HOOK2: variants seen among roughly 807,000 people sequenced by gnomAD.
The protein encoded by HOOK2 is protein Hook homolog 2.
Under a neutral mutation model 111.9 loss-of-function variants are expected in HOOK2, and 108 were observed. That is an observed-to-expected ratio of 0.96 (90% CI 0.83 to 1.13). The LOEUF (loss-of-function observed/expected upper bound fraction) is 1.13. Ranked by LOEUF, HOOK2 falls within the 50% of genes most tolerant of loss-of-function variation. The pLI, the probability that HOOK2 is intolerant of heterozygous loss-of-function variation, is 0.00. For synonymous variants in HOOK2, 405 were observed against 394.3 expected, an observed-to-expected ratio of 1.03 and a Z score of -0.32; for missense variants, 978 against 951.3, an observed-to-expected ratio of 1.03 and a Z score of -0.37.
At position 12,770,977 on chromosome 19, in the gene HOOK2, A is replaced by G. The variant is rs748781231; in HGVS notation, c.857T>C (p.Leu286Pro). ...CTTCAGGGCCTGTGCCTCCTGGGCC[A>G]GGCTAGTCAGCGCCTGGTTCCGGTG... The part of the protein sequence containing the change: ...LQHRNQALTS[L>P]AQEAQALKDE... Residue 286 changes from leucine (L) to proline (P), a missense_variant, in exon 10 of 23, where the codon CTG becomes CCG. Coordinates refer to ENST00000397668, the MANE Select transcript of HOOK2 (RefSeq NM_013312.3). 1.2e-6 allele frequency: 2 copies of G among 1,611,170 alleles called. No individual in the cohort carries two copies. The highest frequency in any genetic ancestry group is 1.7e-6 in the Non-Finnish European group (2 of 1,178,896).
In HOOK2 at chr19:12,767,399, G is replaced by A. The variant is rs1431410379; in HGVS notation, c.1369C>T (p.Leu457Phe). The change falls in exon 14 of 23, where the codon CTC becomes TTC. Residue 457 changes from leucine (L) to phenylalanine (F), a missense_variant. Physicochemically the swap from Leu to Phe is conservative, Grantham distance 22 (BLOSUM62 0). Coordinates refer to ENST00000397668, the MANE Select transcript of HOOK2 (RefSeq NM_013312.3). ...TTTTGAGTGACCCCAGGATACCTGA[G>A]CTCCGCAGGCAGGATCTCTGCGGCT... ...NLAAEILPAE[L>F]RETLLRLQLE... 2.5e-6 allele frequency: 4 copies of A among 1,613,620 alleles called. No individual in the cohort carries two copies. The East Asian group carries it at 8.9e-5, about 36-fold the overall frequency.
Position 12,764,885 on chromosome 19 carries a change from A to C in HOOK2, c.1756T>G (p.Leu586Val), listed in dbSNP as rs750724545. 1 of 1,614,042 alleles carries C rather than the reference A, an allele frequency of 6.2e-7. No homozygotes were observed. The highest frequency in any genetic ancestry group is 1.1e-5 in the South Asian group (1 of 91,088). ...ARRIEELQHN[L>V]QKKDADLRAM... ...CGCAAGTCCGCGTCCTTCTTCTGCA[A>C]GTTATGCTGCAGCTCCTCGATCCGC... Residue 586 changes from leucine to valine, a missense_variant, in exon 20 of 23, where the codon TTG becomes GTG. Transcript: ENST00000397668.
intron 3 of HOOK2, chr19:12,774,101 T>A (rs1003206115): frequency 1.3e-5 from 2 of 155,896 alleles, no homozygotes; most frequent in Non-Finnish European, 2.8e-5. Context: ...TTTCTTTTTC[T>A]TTTTCTTTTT....
intron 3 of HOOK2, among the ~76,000 whole-genome samples, chr19:12,788,388 G>GT (rs1013553217): frequency 2.0e-5 from 3 of 152,188 alleles, no homozygotes; most frequent in Middle Eastern, 3.2e-3. Context: ...TAAGAGCCAT[G>GT]TAAGTGTTGG....
Position 12,766,744 on chromosome 19 carries a change from C to G in HOOK2, c.1374-504G>C, listed in dbSNP as rs572160275. ...GACTACAGGTGCGTGCCACCACACC[C>G]GGCTAATTTTTTGTATTTTTAGTAG... On this transcript the variant is annotated intron_variant, in intron 14 of 22. Transcript: ENST00000397668. 3 of 156,466 alleles carry G rather than the reference C, an allele frequency of 1.9e-5. No homozygotes were observed. The South Asian group carries it at 5.6e-4, about 29-fold the overall frequency. The allele number at this position is 156,466 out of a possible 1,614,324, so 9.7% of individuals were successfully genotyped here.
chr19:12,768,394 C>A (rs1968219834), intron 11 of HOOK2, among the ~76,000 whole-genome samples: 1 of 152,100 alleles, frequency 6.6e-6, no homozygotes, highest in African/African-American at 2.4e-5. Flanking sequence ...TGCACCCAGC[C>A]GACTGTGAAT....
chr19:12,787,611 G>A (rs945163536), intron 3 of HOOK2, among the ~76,000 whole-genome samples: 6 of 151,996 alleles, frequency 3.9e-5, no homozygotes, highest in Admixed American at 1.3e-4. Context: ...CACCCTGGGC[G>A]ACAGAGTGAT....
In HOOK2 at chr19:12,766,111, C is replaced by T. The variant is rs952918802; in HGVS notation, c.1503G>A (p.Thr501=). The T allele has an allele frequency of 6.2e-7, 1 of 1,601,924 alleles. No homozygotes were observed. The highest frequency in any genetic ancestry group is 8.5e-7 in the Non-Finnish European group (1 of 1,178,222). ...GGTCCCCAGGCGCTCACCGGTGCTGCGTCTCCAACCCGTGGCGCGCGCGGT... is the reference window on the plus strand; with the variant it reads ...GGTCCCCAGGCGCTCACCGGTGCTGTGTCTCCAACCCGTGGCGCGCGCGGT... ...DANRARHGLE[T]QHRLNQQQLS... Residue 501 remains threonine (T), a synonymous_variant, in exon 15 of 23, where the codon ACG becomes ACA. Transcript: ENST00000397668.
chr19:12,770,999 G>A lies in HOOK2; in HGVS notation c.835C>T (p.Arg279Trp), dbSNP rs763027128. ...GCCAGGCTAGTCAGCGCCTGGTTCCGGTGCTGCAGCTCCGCAACCTCCCTC... is the reference window on the plus strand; with the variant it reads ...GCCAGGCTAGTCAGCGCCTGGTTCCAGTGCTGCAGCTCCGCAACCTCCCTC... The part of the protein sequence containing the change: ...LEREVAELQH[R>W]NQALTSLAQE... Residue 279 changes from arginine to tryptophan, a missense_variant, in exon 10 of 23, where the codon CGG (arginine) becomes TGG (tryptophan). By Grantham distance (101) the Arg-to-Trp change is moderately radical. Transcript: ENST00000397668. 4.5e-5 allele frequency: 73 copies of A among 1,612,288 alleles called. No homozygotes were observed. Among genetic ancestry groups the A allele is most frequent in the East Asian group, 2.9e-4 (13 of 44,868 alleles).
chr19:12,773,205 T>C, intron 3 of HOOK2, 161 bp from the exon 4 acceptor site: 3 of 596,416 alleles, frequency 5.0e-6, no homozygotes, highest in African/African-American at 1.9e-5. Context: ...TGTCTGCCCC[T>C]TTTGTCTGCC....
At position 12,770,922 on chromosome 19, in the gene HOOK2, C is replaced by G; in HGVS notation, c.902+10G>C. 6.3e-7 allele frequency: 1 copy of G among 1,589,462 alleles called. No individual in the cohort carries two copies. The highest frequency in any genetic ancestry group is 8.6e-7 in the Non-Finnish European group (1 of 1,161,980). ...CCCCCGTGATGGGGACCCAGGAACC[C>G]ACCACTCACCGTAGTTCATCCATCT... On this transcript the variant is annotated intron_variant, in intron 10 of 22. Transcript: ENST00000397668.
intron 9 of HOOK2, 42 bp from the exon 10 acceptor site, chr19:12,771,114 C>T (rs1196768774): frequency 6.2e-7 from 1 of 1,611,418 alleles, no homozygotes; most frequent in Non-Finnish European, 8.5e-7. Flanking sequence ...GGCTGCCCTC[C>T]CCCGGTCCCC....
intron 3 of HOOK2, chr19:12,773,820 GC>G (rs970770227): frequency 1.3e-5 from 2 of 152,714 alleles, no homozygotes; most frequent in Non-Finnish European, 2.9e-5. Context: ...CCCCACCATG[GC>G]CTGCCAGGCC....
In HOOK2 at chr19:12,768,102, G is replaced by A. The variant is rs377311315; in HGVS notation, c.1126C>T (p.Arg376Trp). 1.1e-5 allele frequency: 18 copies of A among 1,613,928 alleles called. No individual in the cohort carries two copies. Among genetic ancestry groups the A allele is most frequent in the Middle Eastern group, 1.6e-4 (1 of 6,084 alleles). ...RRQVQELQGQ[R>W]QEEAMKAEKW... The stretch of plus-strand genomic sequence containing the variant: ...TCGGCCTTCATGGCCTCCTCCTGCC[G>A]CTGGCCCTGCAGTTCCTGCACCTGA... Residue 376 changes from arginine (R) to tryptophan (W), a missense_variant, in exon 12 of 23, where the codon CGG becomes TGG. Physicochemically the swap from Arg to Trp is moderately radical, Grantham distance 101. Coordinates refer to ENST00000397668, the MANE Select transcript of HOOK2 (RefSeq NM_013312.3).
rs1433832689 is a variant in HOOK2 at position 12,791,258 on chromosome 19, AC to A, written n.42-17034del. On this transcript the variant is annotated intron_variant and non_coding_transcript_variant, in intron 3 of 3. Transcript: ENST00000589765. The surrounding 1 kb of genome is among the most constrained non-coding windows in gnomAD (Gnocchi z 7.0). ...CCCCCCAGCACCTCCTTCCATGCGTACCCCGAGGTCCTTTGAGCCCCTCCCC... is the reference window on the plus strand; with the variant it reads ...CCCCCCAGCACCTCCTTCCATGCGTACCCGAGGTCCTTTGAGCCCCTCCCC... Among the ~76,000 whole-genome samples, 1 of 151,640 alleles carries A rather than the reference AC, an allele frequency of 6.6e-6. No individual in the cohort carries two copies. Among genetic ancestry groups the A allele is most frequent in the Non-Finnish European group, 1.5e-5 (1 of 67,898 alleles).
chr19:12,785,245 CA>C (rs2145797834), intron 3 of HOOK2: 1 of 153,612 alleles, frequency 6.5e-6, no homozygotes, highest in East Asian at 1.9e-4. Context: ...AGACCTCACA[CA>C]CAGAGACCAC....
Position 12,768,025 on chromosome 19 carries a change from T to C in HOOK2, c.1203A>G (p.Thr401=). ...ACCTCAGCCTCACCTCCTTCTCCTTTGTCACCGACTCATACTTTTCCTCCA... is the reference window on the plus strand; with the variant it reads ...ACCTCAGCCTCACCTCCTTCTCCTTCGTCACCGACTCATACTTTTCCTCCA... ...RNLEEKYESV[T]KEKERLLAER... is the part of the protein sequence containing the mutation. Residue 401 remains threonine, a synonymous_variant, in exon 12 of 23, where the codon ACA becomes ACG. Coordinates refer to ENST00000397668, the MANE Select transcript of HOOK2 (RefSeq NM_013312.3). 1 of 1,614,218 alleles carries C rather than the reference T, an allele frequency of 6.2e-7. No individual in the cohort carries two copies. The highest frequency in any genetic ancestry group is 1.1e-5 in the South Asian group (1 of 91,084).
rs956386364 is a variant in HOOK2 at position 12,791,087 on chromosome 19, C to T, written n.42-16862G>A. ...CCAATGGATTGTCAGTCCTCCTACC[C>T]CTCTCGTATTCTGGGTACCTCAGGG... On this transcript the variant is annotated intron_variant and non_coding_transcript_variant, in intron 3 of 3. Coordinates refer to the HOOK2 transcript ENST00000589765. This position sits in a 1 kb window ranked among gnomAD's most constrained non-coding sequence, Gnocchi z 7.0. Among the ~76,000 whole-genome samples the T allele has an allele frequency of 1.3e-5, 2 of 152,194 alleles. No individual in the cohort carries two copies. The highest frequency in any genetic ancestry group is 2.9e-5 in the Non-Finnish European group (2 of 68,032).
chr19:12,777,163 T>TAAATAAAATA (rs140327690), upstream of HOOK2, among the ~76,000 whole-genome samples: 76 of 141,462 alleles, frequency 5.4e-4, no homozygotes, highest in African/African-American at 1.9e-3. Context: ...TCAAAAAAAA[T>TAAATAAAATA]AAATAAAATA....
Sources: gnomAD v4.1 joint callset for allele counts (sites outside exome capture counted in the v4.1 genomes callset) on GRCh38, gnomAD v4.1.1 for gene constraint, Gnocchi (gnomAD v3.1) non-coding constraint, MANE v1.5 for transcripts, NCBI Gene and HGNC (gene_info 2026-07-23, HGNC 2026-07-21) for gene names.